The following CDC42 variants were observed in gnomAD, a reference collection of about 807,000 sequenced individuals.
CDC42 encodes cell division control protein 42 homolog.
A neutral mutation model predicts 20.8 loss-of-function variants in CDC42; 1 was observed. The observed-to-expected ratio is 0.05, with a 90% confidence interval of 0.02 to 0.23. The LOEUF (loss-of-function observed/expected upper bound fraction) is 0.23. Ranked by LOEUF, CDC42 falls within the 10% of genes least tolerant of loss-of-function variation. The probability of loss-of-function intolerance (pLI) is 1.00; values close to 1 mark genes in which losing one functional copy is unlikely to be tolerated. For synonymous variants in CDC42, 72 were observed against 84.8 expected (o/e 0.85, Z 0.83); for missense variants, 49 against 227.9 (o/e 0.21, Z 5.05).
At chr1:22,078,359 C>G (rs1005169661) in intron 1 of CDC42, 70 bp from the exon 2 acceptor site, 121 of 667,984 alleles carry the variant, frequency 1.8e-4, no homozygotes, top group Admixed American at 4.0e-4. Flanking sequence ...GTGCCTGAAC[C>G]TGTTGCTAAG....
intron 1 of CDC42, among the ~76,000 whole-genome samples, chr1:22,069,436 A>G (rs970120048): frequency 6.6e-6 from 1 of 151,634 alleles, no homozygotes; most frequent in Non-Finnish European, 1.5e-5. Context: ...TCAGCTTCCC[A>G]AAGTGCTGGG....
At position 22,099,154 on chromosome 1, in the gene CDC42, G is replaced by A. The variant is rs1439375035; in HGVS notation, c.*7637G>A. ...GCTTCACCACGGCATAGGGACGGGT[G>A]CAGTAGGAAGAAAGGTAGCCTCAAG... On this transcript the variant is annotated 3_prime_UTR_variant, in exon 6 of 6. Transcript: ENST00000656825. Among the ~76,000 whole-genome samples, 1 of 152,224 alleles carries A rather than the reference G, an allele frequency of 6.6e-6. No homozygotes were observed. The highest frequency in any genetic ancestry group is 2.4e-5 in the African/African-American group (1 of 41,464).
At chr1:22,055,649 C>A (rs180741719) in intron 1 of CDC42, among the ~76,000 whole-genome samples, 2 of 151,878 alleles carry the variant, frequency 1.3e-5, no homozygotes, top group African/African-American at 4.8e-5. Context: ...CAACCAGACC[C>A]GGCTAATTTT....
chr1:22,063,691 A>C (rs753694352), intron 1 of CDC42, among the ~76,000 whole-genome samples: 10 of 152,144 alleles, frequency 6.6e-5, no homozygotes, highest in Non-Finnish European at 1.5e-4. Flanking sequence ...ATGTGCTTTT[A>C]ATAACATTGT....
chr1:22,054,893 A>ATG (rs1645279014), intron 1 of CDC42, among the ~76,000 whole-genome samples: 1 of 4,450 alleles, frequency 2.2e-4, no homozygotes, highest in Non-Finnish European at 6.4e-4. Context: ...GAATTTATGT[A>ATG]TATATATATA....
intron 2 of CDC42, 118 bp downstream of exon 2, chr1:22,078,701 T>A (rs948349657): frequency 4.6e-6 from 7 of 1,509,422 alleles, no homozygotes; most frequent in Non-Finnish European, 6.2e-6. Context: ...TTCCTGTTTT[T>A]AAAGATCTTG....
intron 1 of CDC42, among the ~76,000 whole-genome samples, chr1:22,071,303 CA>C (rs1645489710): frequency 6.6e-6 from 1 of 152,112 alleles, no homozygotes; most frequent in African/African-American, 2.4e-5. Flanking sequence ...CTCGGCCTCC[CA>C]AAGTGCTGGG....
At chr1:22,071,418 A>T (rs1047498165) in intron 1 of CDC42, among the ~76,000 whole-genome samples, 1 of 152,190 alleles carries the variant, frequency 6.6e-6, no homozygotes, top group African/African-American at 2.4e-5. Context: ...ATATAGAAGC[A>T]AACAAGAAGT....
chr1:22,101,058 T>G lies in CDC42; in HGVS notation c.*9541T>G, dbSNP rs1372781702. On this transcript the variant is annotated 3_prime_UTR_variant, in exon 6 of 6. Coordinates refer to ENST00000656825, the MANE Select transcript of CDC42 (RefSeq NM_001791.4). Reference sequence around the variant, plus strand: ...CACCTGTGAATTCTTCACTGGCTTCTTGTAAGAATGACTTTACTGGAGGGT... The same window carrying G: ...CACCTGTGAATTCTTCACTGGCTTCGTGTAAGAATGACTTTACTGGAGGGT... 6.6e-6 allele frequency: 1 copy of G among 152,284 alleles called. No homozygotes were observed. Among genetic ancestry groups the G allele is most frequent in the East Asian group, 1.9e-4 (1 of 5,206 alleles). The allele number at this position is 152,284 out of a possible 1,614,324, so 9.4% of individuals were successfully genotyped here. A position where few individuals can be genotyped will look rare whatever the true frequency, so the allele number is the denominator to read the frequency against.
At position 22,099,253 on chromosome 1, in the gene CDC42, A is replaced by G. The variant is rs1645775404; in HGVS notation, c.*7736A>G. 1.3e-5 allele frequency among the ~76,000 whole-genome samples: 2 copies of G among 152,256 alleles called. No individual in the cohort carries two copies. Among genetic ancestry groups the G allele is most frequent in the African/African-American group, 4.8e-5 (2 of 41,474 alleles). On this transcript the variant is annotated 3_prime_UTR_variant, in exon 6 of 6. Coordinates refer to ENST00000656825, the MANE Select transcript of CDC42 (RefSeq NM_001791.4). ...CAGGAGGGCTCTGCCCTAACTGCTG[A>G]GAATCATAAAAGAAATGGGGACATA...
At chr1:22,087,568 C>A (rs573713321) in intron 5 of CDC42, among the ~76,000 whole-genome samples, 1 of 152,106 alleles carries the variant, frequency 6.6e-6, no homozygotes, top group Admixed American at 6.5e-5. Flanking sequence ...TTCATGATAT[C>A]GCTGATTCCG....
chr1:22,067,110 G>C (rs1019018638), intron 1 of CDC42, among the ~76,000 whole-genome samples: 1 of 152,106 alleles, frequency 6.6e-6, no homozygotes, highest in African/African-American at 2.4e-5. Flanking sequence ...ACAGGGGAAC[G>C]GAGCATGAGA....
intron 5 of CDC42, among the ~76,000 whole-genome samples, chr1:22,091,098 G>A (rs1264051614): frequency 6.6e-6 from 1 of 152,194 alleles, no homozygotes; most frequent in African/African-American, 2.4e-5. Context: ...TATGTAAAAT[G>A]TTTCAGCAGC....
chr1:22,088,092 C>G (rs964889787), intron 5 of CDC42, among the ~76,000 whole-genome samples: 14 of 152,170 alleles, frequency 9.2e-5, no homozygotes, highest in Non-Finnish European at 1.6e-4. Context: ...GATTTTACAC[C>G]TTCTCATGCA....
chr1:22,087,656 C>G (rs1645674460), intron 5 of CDC42, among the ~76,000 whole-genome samples: 1 of 152,178 alleles, frequency 6.6e-6, no homozygotes, highest in South Asian at 2.1e-4. Flanking sequence ...TCTACTGGTA[C>G]TGGTGCTTTG....
chr1:22,076,868 C>T (rs151159462), intron 1 of CDC42, among the ~76,000 whole-genome samples: 29 of 152,094 alleles, frequency 1.9e-4, no homozygotes, highest in African/African-American at 6.5e-4. Flanking sequence ...TGGCTGGCTG[C>T]GGTGGCTCAT....
At chr1:22,075,106 A>G (rs1224733614) in intron 1 of CDC42, among the ~76,000 whole-genome samples, 1 of 152,236 alleles carries the variant, frequency 6.6e-6, no homozygotes, top group African/African-American at 2.4e-5. Flanking sequence ...GATAACAACT[A>G]AATTTAAGTT....
rs565755829 is a variant in CDC42 at position 22,098,978 on chromosome 1, C to T, written c.*7461C>T. On this transcript the variant is annotated 3_prime_UTR_variant, in exon 6 of 6. Transcript: ENST00000656825. ...TTTGCCATTTTACCCAGGCTGGTCTCGAACTCCTGAGCTGATCCTCCCACC... is the reference window on the plus strand; with the variant it reads ...TTTGCCATTTTACCCAGGCTGGTCTTGAACTCCTGAGCTGATCCTCCCACC... Among the ~76,000 whole-genome samples the T allele has an allele frequency of 3.2e-4, 49 of 152,246 alleles. 1 individual carries two copies. In the South Asian group the frequency reaches 9.7e-3, roughly 30 times the overall value.
intron 1 of CDC42, among the ~76,000 whole-genome samples, chr1:22,074,886 T>A (rs1645532107): frequency 6.6e-6 from 1 of 152,226 alleles, no homozygotes; most frequent in Non-Finnish European, 1.5e-5. Context: ...GGCCTATTAG[T>A]TGTTTCAGAG....
Sources: gnomAD v4.1 joint callset for allele counts (sites outside exome capture counted in the v4.1 genomes callset) on GRCh38, gnomAD v4.1.1 for gene constraint, MANE v1.5 for transcripts, NCBI Gene and HGNC (gene_info 2026-07-23, HGNC 2026-07-21) for gene names.